Variants in INVS observed in about 807,000 individuals in gnomAD.
INVS encodes inversin, also known as inversion of embryo turning homolog.
INVS carries 86 observed loss-of-function variants against 108.8 expected under a neutral mutation model. The observed-to-expected ratio is 0.79, with a 90% CI of 0.66 to 0.95. INVS has a LOEUF of 0.95. INVS is among the 40% of genes least tolerant of loss of function. INVS has a pLI of 0.00. For missense variants in INVS, 1,169 were observed against 1,297.4 expected, an observed-to-expected ratio of 0.90 and a Z score of 1.52; for synonymous variants, 455 against 473.5, an observed-to-expected ratio of 0.96 and a Z score of 0.51.
At chr9:100,151,850 A>G (rs1048319607) in intron 3 of INVS, among the ~76,000 whole-genome samples, 1 of 152,194 alleles carries the variant, frequency 6.6e-6, no homozygotes. Context: ...ACAGAATACA[A>G]TGCCAGTCTG....
At chr9:100,256,288 A>G (rs998109289) in intron 10 of INVS, among the ~76,000 whole-genome samples, 4 of 151,326 alleles carry the variant, frequency 2.6e-5, no homozygotes, top group African/African-American at 9.7e-5. Flanking sequence ...TATTGCATCT[A>G]TTTGATTCTT....
At chr9:100,298,439 G>A (rs1833854667) in intron 16 of INVS, 7 of 558,474 alleles carry the variant, frequency 1.3e-5, no homozygotes, top group Non-Finnish European at 1.6e-5. Context: ...AGCTGTGCGT[G>A]CTTTCCCTCA....
At chr9:100,175,667 C>G in intron 3 of INVS, 1 of 644,338 alleles carries the variant, frequency 1.6e-6, no homozygotes. Context: ...CCTACCCCAG[C>G]CTCTATTCTT....
intron 13 of INVS, among the ~76,000 whole-genome samples, chr9:100,285,944 A>C (rs1588146159): frequency 6.6e-6 from 1 of 152,246 alleles, no homozygotes; most frequent in African/African-American, 2.4e-5. Flanking sequence ...TGCAAATGCC[A>C]ACACAGTGAA....
chr9:100,262,194 A>G (rs1237221517), intron 10 of INVS, among the ~76,000 whole-genome samples: 5 of 151,406 alleles, frequency 3.3e-5, no homozygotes, highest in East Asian at 1.9e-4. Context: ...CCTTTCTTGT[A>G]TTATAGTTGC....
chr9:100,228,283 G>A (rs1475396868), intron 4 of INVS, among the ~76,000 whole-genome samples: 1 of 152,096 alleles, frequency 6.6e-6, no homozygotes, highest in South Asian at 2.1e-4. Flanking sequence ...GAGCCACTGC[G>A]CCCAGCCAAA....
chr9:100,185,516 A>ATATAT (rs1224840527), intron 3 of INVS, among the ~76,000 whole-genome samples: 20 of 110,858 alleles, frequency 1.8e-4, no homozygotes, highest in Admixed American at 1.0e-3. Flanking sequence ...TATGCATAGA[A>ATATAT]ATATATATAT....
intron 11 of INVS, among the ~76,000 whole-genome samples, chr9:100,270,748 CAA>C (rs746291227): frequency 2.1e-5 from 1 of 47,202 alleles, no homozygotes; most frequent in Non-Finnish European, 4.1e-5. Context: ...AACTCCATCT[CAA>C]AAAAAAAAAA....
chr9:100,145,430 C>A (rs943703075), intron 3 of INVS, among the ~76,000 whole-genome samples: 1 of 150,974 alleles, frequency 6.6e-6, no homozygotes, highest in African/African-American at 2.4e-5. Flanking sequence ...GATTGGGGTG[C>A]AAAGATAAGA....
chr9:100,281,986 A>T lies in INVS; in HGVS notation c.1785-2334A>T, dbSNP rs186646713. ...CTGCTCAAATAACAAAGTCTAATTTATCACCTCAGAGTCCCCCTTAATGGC... is the reference window on the plus strand; with the variant it reads ...CTGCTCAAATAACAAAGTCTAATTTTTCACCTCAGAGTCCCCCTTAATGGC... On this transcript the variant is annotated intron_variant, in intron 12 of 16. Transcript: ENST00000262457. Among the ~76,000 whole-genome samples, 133 of 152,332 alleles carry T rather than the reference A, an allele frequency of 8.7e-4. 1 individual carries two copies. The highest frequency in any genetic ancestry group is 5.6e-3 in the South Asian group (27 of 4,832).
At chr9:100,181,321 G>A (rs770333825) in intron 3 of INVS, among the ~76,000 whole-genome samples, 3 of 152,148 alleles carry the variant, frequency 2.0e-5, no homozygotes, top group African/African-American at 2.4e-5. Flanking sequence ...AAGAGAGGAA[G>A]CCAAATTGTT....
At chr9:100,247,301 C>T (rs1470446273) in intron 8 of INVS, among the ~76,000 whole-genome samples, 1 of 152,118 alleles carries the variant, frequency 6.6e-6, no homozygotes, top group Admixed American at 6.5e-5. Flanking sequence ...TGCTTCAAAG[C>T]TTCAAATCAA....
At chr9:100,179,829 A>G (rs1353434911) in intron 3 of INVS, among the ~76,000 whole-genome samples, 1 of 152,200 alleles carries the variant, frequency 6.6e-6, no homozygotes, top group Non-Finnish European at 1.5e-5. Flanking sequence ...CCCCATATCA[A>G]CAGAATATAC....
chr9:100,195,580 C>T (rs1325192104), intron 3 of INVS, among the ~76,000 whole-genome samples: 8 of 152,082 alleles, frequency 5.3e-5, no homozygotes, highest in Admixed American at 5.2e-4. Context: ...CTCCACCTTC[C>T]AGGTTCAAGC....
At chr9:100,108,584 A>G (rs949797410) in intron 2 of INVS, among the ~76,000 whole-genome samples, 5 of 152,196 alleles carry the variant, frequency 3.3e-5, no homozygotes, top group African/African-American at 1.2e-4. Context: ...CTCTAAATAT[A>G]TGCTATTTCT....
At chr9:100,161,466 T>A (rs1219448990) in intron 3 of INVS, among the ~76,000 whole-genome samples, 1 of 149,680 alleles carries the variant, frequency 6.7e-6, no homozygotes, top group Non-Finnish European at 1.5e-5. Flanking sequence ...CTGCCAGAAG[T>A]GGGCCTTATA....
At position 100,291,251 on chromosome 9, in the gene INVS, A is replaced by G. The variant is rs369490578; in HGVS notation, c.2069-1075A>G. 8.6e-5 allele frequency among the ~76,000 whole-genome samples: 13 copies of G among 151,998 alleles called. No homozygotes were observed. The South Asian group carries it at 2.5e-3, about 29-fold the overall frequency. On this transcript the variant is annotated intron_variant, in intron 13 of 16. Coordinates refer to ENST00000262457, the MANE Select transcript of INVS (RefSeq NM_014425.5). ...GCTAATTTTCGTATTTTTAGTAGAG[A>G]CGAGATTTCACCATGGTGGTCAGGC...
At chr9:100,138,801 G>A (rs1394213022) in intron 3 of INVS, among the ~76,000 whole-genome samples, 1 of 149,690 alleles carries the variant, frequency 6.7e-6, no homozygotes, top group African/African-American at 2.4e-5. Context: ...CTGCCTCCTG[G>A]GTTCAAGCGA....
chr9:100,209,982 C>T (rs1341692153), intron 3 of INVS, among the ~76,000 whole-genome samples: 1 of 152,108 alleles, frequency 6.6e-6, no homozygotes, highest in African/African-American at 2.4e-5. Context: ...CCTCCACACA[C>T]AATGCCGTCG....
Sources: gnomAD v4.1 joint callset for allele counts (sites outside exome capture counted in the v4.1 genomes callset) on GRCh38, gnomAD v4.1.1 for gene constraint, MANE v1.5 for transcripts, NCBI Gene and HGNC (gene_info 2026-07-23, HGNC 2026-07-21) for gene names.